Variants in DNAJC1 observed in about 807,000 individuals in gnomAD.
DNAJC1 encodes the protein DnaJ heat shock protein family (Hsp40) member C1, also known as dnaJ homolog subfamily C member 1.
In DNAJC1, 58 loss-of-function variants were observed where a neutral mutation model predicts 76.6. The ratio of observed to expected loss-of-function variants is 0.76; its 90% CI spans 0.61 to 0.94. The LOEUF (loss-of-function observed/expected upper bound fraction) is 0.94. Ranked by LOEUF, DNAJC1 falls within the 40% of genes least tolerant of loss-of-function variation. The pLI is 0.00. For synonymous variants in DNAJC1, 258 were observed against 267.9 expected, an observed-to-expected ratio of 0.96 and a Z score of 0.36; for missense variants, 689 against 677.3, an observed-to-expected ratio of 1.02 and a Z score of -0.19.
intron 1 of DNAJC1, among the ~76,000 whole-genome samples, chr10:22,000,409 C>G (rs1389003798): frequency 6.6e-6 from 1 of 152,224 alleles, no homozygotes; most frequent in Non-Finnish European, 1.5e-5. Context: ...CAATGGCCTA[C>G]AAAGCCCTAC....
chr10:21,844,932 G>A (rs1177889091), intron 8 of DNAJC1, among the ~76,000 whole-genome samples: 1 of 152,150 alleles, frequency 6.6e-6, no homozygotes, highest in Non-Finnish European at 1.5e-5. Context: ...CAGGAGGCTG[G>A]AGCAGGAGGA....
intron 1 of DNAJC1, among the ~76,000 whole-genome samples, chr10:21,959,967 A>G (rs1251243895): frequency 6.6e-6 from 1 of 152,108 alleles, no homozygotes; most frequent in African/African-American, 2.4e-5. Flanking sequence ...TGGGTCTACT[A>G]TCAAAAGCAT....
chr10:21,923,944 TATGAAA>T (rs1169201491), intron 3 of DNAJC1, among the ~76,000 whole-genome samples: 6 of 152,050 alleles, frequency 3.9e-5, no homozygotes, highest in Non-Finnish European at 8.8e-5. Flanking sequence ...ATCTGTATAT[TATGAAA>T]ATGAATATTT....
At chr10:22,002,988 G>C (rs1363296454) in intron 1 of DNAJC1, among the ~76,000 whole-genome samples, 2 of 152,222 alleles carry the variant, frequency 1.3e-5, no homozygotes, top group African/African-American at 4.8e-5. Context: ...GCGCCGTCCA[G>C]CCTGTCACTG....
chr10:21,823,874 A>T (rs951881384), intron 8 of DNAJC1, among the ~76,000 whole-genome samples: 1 of 152,186 alleles, frequency 6.6e-6, no homozygotes, highest in Admixed American at 6.5e-5. Context: ...AATATAAACT[A>T]TATCAGTCTA....
chr10:21,775,609 T>A (rs1262948817), intron 9 of DNAJC1, among the ~76,000 whole-genome samples: 5 of 152,234 alleles, frequency 3.3e-5, no homozygotes, highest in Middle Eastern at 3.4e-3. Context: ...CAGATTGATG[T>A]CTCTCCTTTA....
intron 9 of DNAJC1, among the ~76,000 whole-genome samples, chr10:21,769,380 T>A (rs949547831): frequency 9.2e-5 from 14 of 152,198 alleles, no homozygotes; most frequent in Non-Finnish European, 1.8e-4. Context: ...AGTAGCAATA[T>A]GAGGTAGGCA....
Position 21,822,932 on chromosome 10 carries a change from C to G in DNAJC1, c.979-16833G>C, listed in dbSNP as rs561687632. ...AAGTCCTAGACATAAACCAGGTGCA[C>G]AGAAAATATTAATACATGTTAAATT... On this transcript the variant is annotated intron_variant, in intron 8 of 11. Coordinates refer to ENST00000376980, the MANE Select transcript of DNAJC1 (RefSeq NM_022365.4). Among the ~76,000 whole-genome samples, 15 of 150,652 alleles carry G rather than the reference C, an allele frequency of 1.0e-4. No individual in the cohort carries two copies. The East Asian group carries it at 2.5e-3, about 25-fold the overall frequency.
chr10:21,997,681 C>A (rs1838442877), intron 1 of DNAJC1, among the ~76,000 whole-genome samples: 1 of 152,148 alleles, frequency 6.6e-6, no homozygotes, highest in Non-Finnish European at 1.5e-5. Flanking sequence ...CTCCTCTAAA[C>A]AGGCTAGCTA....
intron 6 of DNAJC1, among the ~76,000 whole-genome samples, chr10:21,907,828 A>C (rs1207592167): frequency 1.3e-5 from 2 of 150,282 alleles, no homozygotes; most frequent in Non-Finnish European, 2.9e-5. Flanking sequence ...AATACAAAAA[A>C]TTAGCCAGGT....
chr10:21,898,681 T>G (rs977241631), intron 7 of DNAJC1, among the ~76,000 whole-genome samples: 5 of 151,812 alleles, frequency 3.3e-5, no homozygotes, highest in Non-Finnish European at 5.9e-5. Context: ...GCCTCCCAAG[T>G]AGCAGGCATT....
chr10:21,949,577 C>T (rs559165407), intron 1 of DNAJC1, among the ~76,000 whole-genome samples: 4 of 151,562 alleles, frequency 2.6e-5, no homozygotes, highest in Admixed American at 1.3e-4. Context: ...CCACCATGCC[C>T]GGCTAATTTT....
intron 8 of DNAJC1, among the ~76,000 whole-genome samples, chr10:21,824,788 T>C (rs1036021114): frequency 7.9e-5 from 12 of 152,220 alleles, no homozygotes; most frequent in Admixed American, 7.9e-4. Context: ...TACTATTATT[T>C]TTGAGATGGT....
intron 9 of DNAJC1, among the ~76,000 whole-genome samples, chr10:21,783,774 CA>C (rs1381842082): frequency 2.6e-5 from 4 of 152,142 alleles, no homozygotes; most frequent in African/African-American, 9.7e-5. Context: ...TGATCTTTGA[CA>C]AACCTGACAA....
At chr10:21,765,613 G>A (rs1428296630) in intron 10 of DNAJC1, among the ~76,000 whole-genome samples, 6 of 152,290 alleles carry the variant, frequency 3.9e-5, no homozygotes, top group Admixed American at 1.3e-4. Flanking sequence ...TTGGGAGGCC[G>A]AGGTGAGAGG....
At chr10:21,789,988 C>G (rs1312870603) in intron 9 of DNAJC1, among the ~76,000 whole-genome samples, 1 of 111,888 alleles carries the variant, frequency 8.9e-6, no homozygotes, top group South Asian at 3.0e-4. Flanking sequence ...CCAGCCTGGG[C>G]AACACAGCAA....
At chr10:21,948,639 A>G (rs1837545435) in intron 1 of DNAJC1, among the ~76,000 whole-genome samples, 1 of 152,162 alleles carries the variant, frequency 6.6e-6, no homozygotes, top group South Asian at 2.1e-4. Context: ...TATTGTTGTA[A>G]TTGTTCTATT....
chr10:21,921,525 T>C (rs1837042660), intron 3 of DNAJC1, among the ~76,000 whole-genome samples: 1 of 152,036 alleles, frequency 6.6e-6, no homozygotes, highest in African/African-American at 2.4e-5. Context: ...TGTCTTTTAA[T>C]TTTGTATTGC....
intron 7 of DNAJC1, among the ~76,000 whole-genome samples, chr10:21,890,438 A>G (rs974846097): frequency 2.0e-5 from 3 of 151,716 alleles, no homozygotes; most frequent in Admixed American, 2.0e-4. Flanking sequence ...AAAAAAAAAA[A>G]AAGAAAGGAA....
Sources: gnomAD v4.1 joint callset for allele counts (sites outside exome capture counted in the v4.1 genomes callset) on GRCh38, gnomAD v4.1.1 for gene constraint, MANE v1.5 for transcripts, NCBI Gene and HGNC (gene_info 2026-07-23, HGNC 2026-07-21) for gene names.